Variants in POLR3B observed in about 807,000 individuals in gnomAD.
The protein encoded by POLR3B is RNA polymerase III subunit B, also known as DNA-directed RNA polymerase III subunit RPC2.
Under a neutral mutation model 147.4 loss-of-function variants are expected in POLR3B, and 96 were observed. The ratio of observed to expected loss-of-function variants is 0.65; its 90% CI spans 0.55 to 0.77. POLR3B has a LOEUF of 0.77. Among genes scored for constraint, POLR3B ranks in the 30% least tolerant of loss-of-function variants. The pLI, the probability that POLR3B is intolerant of heterozygous loss-of-function variation, is 0.00. For synonymous variants in POLR3B, 461 were observed against 485.9 expected, an observed-to-expected ratio of 0.95 and a Z score of 0.67; for missense variants, 1,036 against 1,413.5, an observed-to-expected ratio of 0.73 and a Z score of 4.28.
chr12:106,390,275 G>GTT (rs34269741), intron 9 of POLR3B, among the ~76,000 whole-genome samples: 11 of 144,184 alleles, frequency 7.6e-5, no homozygotes, highest in South Asian at 2.2e-4. Flanking sequence ...TCCCCCCCCA[G>GTT]TTTTTTTTTA....
chr12:106,501,163 C>A (rs1386462800), intron 25 of POLR3B, among the ~76,000 whole-genome samples, 160 bp from the exon 26 acceptor site: 1 of 152,176 alleles, frequency 6.6e-6, no homozygotes, highest in Non-Finnish European at 1.5e-5. Context: ...TGGTACTTTT[C>A]ATATTTTTAC....
chr12:106,411,494 T>C (rs1469901471), intron 12 of POLR3B, among the ~76,000 whole-genome samples: 1 of 152,238 alleles, frequency 6.6e-6, no homozygotes, highest in East Asian at 1.9e-4. Flanking sequence ...ATGTTTACCC[T>C]CATTCTGTAT....
intron 9 of POLR3B, among the ~76,000 whole-genome samples, chr12:106,380,747 T>G (rs2036752040): frequency 2.0e-5 from 3 of 152,144 alleles, no homozygotes; most frequent in Admixed American, 2.0e-4. Flanking sequence ...AGACCCAGTC[T>G]CAAAACCAAA....
At chr12:106,477,572 C>T (rs1455126841) in intron 23 of POLR3B, among the ~76,000 whole-genome samples, 1 of 152,014 alleles carries the variant, frequency 6.6e-6, no homozygotes, top group South Asian at 2.1e-4. Context: ...CGTGGTGCAC[C>T]GTTTTTTAAG....
intron 23 of POLR3B, among the ~76,000 whole-genome samples, chr12:106,477,465 C>T (rs1161017241): frequency 7.0e-6 from 1 of 142,238 alleles, no homozygotes; most frequent in South Asian, 2.3e-4. Flanking sequence ...CCCCCAGCCT[C>T]GCTGCCGCCT....
rs114799729 is a variant in POLR3B, at chr12:106,440,203, A to G, written c.1955+2424A>G. On this transcript the variant is annotated intron_variant, in intron 18 of 27. Coordinates refer to ENST00000228347, the MANE Select transcript of POLR3B (RefSeq NM_018082.6). ...CCTGACCCTTTTTCTCTATATTGACATCAATCCCTAGCTCATCACATGAGC... is the reference window on the plus strand; with the variant it reads ...CCTGACCCTTTTTCTCTATATTGACGTCAATCCCTAGCTCATCACATGAGC... Among the ~76,000 whole-genome samples, 1,043 of 152,276 alleles carry G rather than the reference A, an allele frequency of 6.8e-3. 10 individuals are homozygous for G. Among genetic ancestry groups the G allele is most frequent in the African/African-American group, 0.024 (1,006 of 41,540 alleles).
intron 23 of POLR3B, among the ~76,000 whole-genome samples, chr12:106,472,249 A>G (rs2038103968): frequency 6.7e-6 from 1 of 148,722 alleles, no homozygotes. Context: ...CATTTTCTTA[A>G]TCCAGTCTAT....
chr12:106,449,449 C>CT (rs2037769749), intron 19 of POLR3B, among the ~76,000 whole-genome samples: 1 of 152,152 alleles, frequency 6.6e-6, no homozygotes, highest in South Asian at 2.1e-4. Context: ...CTGTGTATAA[C>CT]TTTTGACTCC....
intron 18 of POLR3B, among the ~76,000 whole-genome samples, chr12:106,440,176 G>A (rs754507143): frequency 3.3e-5 from 5 of 152,002 alleles, no homozygotes; most frequent in South Asian, 2.1e-4. Flanking sequence ...GTCTATTTCC[G>A]TCCTGACCCT....
chr12:106,372,703 T>C (rs898383773), intron 6 of POLR3B, among the ~76,000 whole-genome samples: 1 of 152,174 alleles, frequency 6.6e-6, no homozygotes, highest in Non-Finnish European at 1.5e-5. Context: ...ACTGTAGACA[T>C]TATTTTTTCC....
In POLR3B at chr12:106,369,843, G is replaced by A. The variant is rs574163795; in HGVS notation, c.404+160G>A. Among the ~76,000 whole-genome samples, 5 of 152,262 alleles carry A rather than the reference G, an allele frequency of 3.3e-5. No homozygotes were observed. In the East Asian group the frequency reaches 7.7e-4, roughly 23 times the overall value. ...TTAGAATAATGTCCAGCACATAGTC[G>A]TGGTTGTTACTATTTATTAATTGTG... On this transcript the variant is annotated intron_variant, in intron 6 of 27. Transcript: ENST00000228347.
chr12:106,404,338 C>A (rs989559787), intron 10 of POLR3B, among the ~76,000 whole-genome samples: 7 of 152,100 alleles, frequency 4.6e-5, no homozygotes, highest in South Asian at 2.1e-4. Flanking sequence ...GGTGATCTGC[C>A]CGCCTCGGCC....
At position 106,405,539 on chromosome 12, in the gene POLR3B, T is replaced by TACACACACACACACACAC. The variant is rs71072675; in HGVS notation, c.847-294_847-277dup. 1.6e-3 allele frequency among the ~76,000 whole-genome samples: 229 copies of TACACACACACACACACAC among 142,690 alleles called. 1 individual carries two copies. Among genetic ancestry groups the TACACACACACACACACAC allele is most frequent in the East Asian group, 0.01 (45 of 4,408 alleles). 93.6% of individuals were successfully genotyped at this position (142,690 alleles called of 152,430 possible). On this transcript the variant is annotated intron_variant, in intron 10 of 27. Coordinates refer to ENST00000228347, the MANE Select transcript of POLR3B (RefSeq NM_018082.6). ...GAAGGACTGATGGCTGCTATATGTC[T>TACACACACACACACACAC]ACACACACACACACACACACACACA...
chr12:106,466,668 A>G (rs767360317), intron 23 of POLR3B, among the ~76,000 whole-genome samples: 1 of 152,136 alleles, frequency 6.6e-6, no homozygotes, highest in Non-Finnish European at 1.5e-5. Flanking sequence ...TTTTGTGCAT[A>G]TGGCTAGCCA....
intron 7 of POLR3B, among the ~76,000 whole-genome samples, 187 bp downstream of exon 7, chr12:106,376,637 A>ATTTTT (rs1351510005): frequency 1.3e-5 from 1 of 79,112 alleles, no homozygotes; most frequent in Non-Finnish European, 2.4e-5. Flanking sequence ...TTCTTTTTTG[A>ATTTTT]GATAGTGTCT....
At chr12:106,475,976 T>A (rs1592763063) in intron 23 of POLR3B, among the ~76,000 whole-genome samples, 1 of 150,958 alleles carries the variant, frequency 6.6e-6, no homozygotes, top group Non-Finnish European at 1.5e-5. Context: ...GGTCTTTACA[T>A]TTTGGCATGA....
rs557104817 is a variant in POLR3B at position 106,400,761 on chromosome 12, T to C, written c.847-5096T>C. On this transcript the variant is annotated intron_variant, in intron 10 of 27. Coordinates refer to ENST00000228347, the MANE Select transcript of POLR3B (RefSeq NM_018082.6). ...AATGAAATGAAGGCAGAAATAAAGA[T>C]GGTCTTTGAAACCAATGAGAACAAA... 1.1e-4 allele frequency among the ~76,000 whole-genome samples: 17 copies of C among 152,266 alleles called. No homozygotes were observed. In the South Asian group the frequency reaches 2.3e-3, roughly 20 times the overall value.
chr12:106,478,381 A>G (rs2137054766), intron 23 of POLR3B, among the ~76,000 whole-genome samples: 1 of 152,308 alleles, frequency 6.6e-6, no homozygotes, highest in South Asian at 2.1e-4. Context: ...GTGATCTGAA[A>G]CAGCAGATTT....
At chr12:106,498,582 G>GTTTTTTTTTTTTTT (rs564316643) in intron 25 of POLR3B, among the ~76,000 whole-genome samples, 1 of 147,718 alleles carries the variant, frequency 6.8e-6, no homozygotes. Context: ...TTTGGGGTTT[G>GTTTTTTTTTTTTTT]TTTTTTTTGT....
Sources: gnomAD v4.1 joint callset for allele counts (sites outside exome capture counted in the v4.1 genomes callset) on GRCh38, gnomAD v4.1.1 for gene constraint, MANE v1.5 for transcripts, NCBI Gene and HGNC (gene_info 2026-07-23, HGNC 2026-07-21) for gene names.